Variants in CERS6 observed in about 807,000 individuals in gnomAD.
The protein encoded by CERS6 is ceramide synthase 6.
A neutral mutation model predicts 56.8 loss-of-function variants in CERS6; 26 were observed. The observed-to-expected ratio is 0.46, with a 90% confidence interval of 0.34 to 0.63. CERS6 has a LOEUF of 0.63. Among genes scored for constraint, CERS6 ranks in the 30% least tolerant of loss-of-function variants. The pLI, the probability that CERS6 is intolerant of heterozygous loss-of-function variation, is 0.01. For missense variants in CERS6, 415 were observed against 467.5 expected, an observed-to-expected ratio of 0.89 and a Z score of 1.04; for synonymous variants, 164 against 173.3, an observed-to-expected ratio of 0.95 and a Z score of 0.42.
At chr2:168,553,983 C>T (rs964423565) in intron 2 of CERS6, among the ~76,000 whole-genome samples, 21 of 151,892 alleles carry the variant, frequency 1.4e-4, no homozygotes, top group African/African-American at 4.8e-4. Context: ...AGAGTAAATG[C>T]TAAGAAAGAT....
intron 8 of CERS6, among the ~76,000 whole-genome samples, chr2:168,761,176 T>A (rs964309388): frequency 6.6e-6 from 1 of 152,190 alleles, no homozygotes; most frequent in African/African-American, 2.4e-5. Context: ...TTTGGTGCAC[T>A]GATTGTATTT....
chr2:168,760,715 G>A (rs565259501), intron 8 of CERS6, among the ~76,000 whole-genome samples: 1 of 151,668 alleles, frequency 6.6e-6, no homozygotes, highest in South Asian at 2.1e-4. Flanking sequence ...CCAAACAAAG[G>A]CTCTTTCCTG....
intron 6 of CERS6, among the ~76,000 whole-genome samples, chr2:168,696,581 T>C (rs1453213554): frequency 3.3e-5 from 5 of 152,204 alleles, no homozygotes; most frequent in African/African-American, 1.2e-4. Context: ...TTATAAAATC[T>C]ATTTCTCACG....
intron 3 of CERS6, among the ~76,000 whole-genome samples, chr2:168,612,700 T>A (rs1024462580): frequency 1.3e-5 from 2 of 152,230 alleles, no homozygotes; most frequent in Admixed American, 1.3e-4. Flanking sequence ...ACTGGGGGAT[T>A]AGGAGTGTTG....
intron 8 of CERS6, among the ~76,000 whole-genome samples, chr2:168,752,617 G>A (rs909246921): frequency 6.6e-5 from 10 of 152,160 alleles, no homozygotes; most frequent in Admixed American, 3.9e-4. Context: ...AGCGTGGCAC[G>A]TAGCTGGCAG....
intron 1 of CERS6, among the ~76,000 whole-genome samples, chr2:168,457,194 A>C (rs1236503888): frequency 6.6e-6 from 1 of 152,234 alleles, no homozygotes; most frequent in East Asian, 1.9e-4. Flanking sequence ...CCGTGAAACT[A>C]TCAGGCCCAC....
At chr2:168,695,772 T>TA (rs1686630657) in intron 6 of CERS6, among the ~76,000 whole-genome samples, 1 of 152,202 alleles carries the variant, frequency 6.6e-6, no homozygotes, top group South Asian at 2.1e-4. Context: ...ATTGAGTTGA[T>TA]ACTTCCTGAC....
At chr2:168,617,729 A>G (rs1684352446) in intron 3 of CERS6, among the ~76,000 whole-genome samples, 1 of 152,184 alleles carries the variant, frequency 6.6e-6, no homozygotes, top group South Asian at 2.1e-4. Context: ...GTGAGATTCA[A>G]ATGGTAATTA....
intron 6 of CERS6, among the ~76,000 whole-genome samples, chr2:168,698,768 A>G (rs950227594): frequency 8.5e-5 from 13 of 152,190 alleles, no homozygotes; most frequent in African/African-American, 3.1e-4. Context: ...CATATATAAC[A>G]TCAGTGGAAA....
chr2:168,597,913 C>G (rs1223650114), intron 3 of CERS6, among the ~76,000 whole-genome samples: 1 of 152,126 alleles, frequency 6.6e-6, no homozygotes, highest in East Asian at 1.9e-4. Context: ...GTTTGGAATC[C>G]ATGTAAGAAG....
At chr2:168,506,570 G>T (rs1322272988) in intron 1 of CERS6, among the ~76,000 whole-genome samples, 1 of 152,194 alleles carries the variant, frequency 6.6e-6, no homozygotes, top group Non-Finnish European at 1.5e-5. Context: ...AAATGAGTTT[G>T]TCTTGGGGTT....
chr2:168,539,357 C>T (rs538707829), intron 1 of CERS6, among the ~76,000 whole-genome samples: 1 of 152,294 alleles, frequency 6.6e-6, no homozygotes, highest in African/African-American at 2.4e-5. Flanking sequence ...CTTGGGCACC[C>T]TCATTAACTT....
intron 1 of CERS6, among the ~76,000 whole-genome samples, chr2:168,507,719 C>T (rs541770964): frequency 1.3e-5 from 2 of 152,290 alleles, no homozygotes; most frequent in Non-Finnish European, 1.5e-5. Context: ...TGACAACTTC[C>T]ACCTGAATCA....
chr2:168,615,716 G>T (rs1000422401), intron 3 of CERS6, among the ~76,000 whole-genome samples: 1 of 152,210 alleles, frequency 6.6e-6, no homozygotes, highest in Non-Finnish European at 1.5e-5. Flanking sequence ...AGAAATCTGG[G>T]ATTACATTAA....
At chr2:168,676,895 C>T (rs1296569285) in intron 4 of CERS6, among the ~76,000 whole-genome samples, 2 of 151,934 alleles carry the variant, frequency 1.3e-5, no homozygotes, top group South Asian at 2.1e-4. Flanking sequence ...TCGCGACTGT[C>T]TGCTGGTGAA....
chr2:168,456,719 G>A lies in CERS6; in HGVS notation c.170+101G>A. On this transcript the variant is annotated intron_variant, in intron 1 of 9. Coordinates refer to ENST00000305747, the MANE Select transcript of CERS6 (RefSeq NM_203463.3). This position sits in a 1 kb window ranked among gnomAD's most constrained non-coding sequence, Gnocchi z 4.1. ...GCACGCCCCCGCGCCCCCAACGCTCGCGTTCACGCCTCCCAACCTTTGTGT... is the reference window on the plus strand; with the variant it reads ...GCACGCCCCCGCGCCCCCAACGCTCACGTTCACGCCTCCCAACCTTTGTGT... The A allele has an allele frequency of 8.7e-7, 1 of 1,150,898 alleles. No homozygotes were observed. Among genetic ancestry groups the A allele is most frequent in the African/African-American group, 1.5e-5 (1 of 64,816 alleles). 71.3% of individuals were successfully genotyped at this position (1,150,898 alleles called of 1,614,324 possible). A position where few individuals can be genotyped will look rare whatever the true frequency, so the allele number is the denominator to read the frequency against.
chr2:168,469,240 C>T (rs1693935296), intron 1 of CERS6, among the ~76,000 whole-genome samples: 2 of 152,136 alleles, frequency 1.3e-5, no homozygotes, highest in African/African-American at 4.8e-5. Flanking sequence ...AAGGAATTTG[C>T]ACCTGCTTTC....
At chr2:168,739,052 ATTTTTTTTTTTTTTT>A (rs59967315) in intron 8 of CERS6, among the ~76,000 whole-genome samples, 4 of 87,644 alleles carry the variant, frequency 4.6e-5, no homozygotes, top group South Asian at 1.0e-3. Flanking sequence ...CACCCGGCTA[ATTTTTTTTTTTTTTT>A]TTTTTTTTTT....
chr2:168,756,229 C>G (rs1420959249), intron 8 of CERS6, among the ~76,000 whole-genome samples: 3 of 152,192 alleles, frequency 2.0e-5, no homozygotes, highest in Non-Finnish European at 4.4e-5. Flanking sequence ...GAATCTCAGT[C>G]TTTCTTAGGT....
Sources: gnomAD v4.1 joint callset for allele counts (sites outside exome capture counted in the v4.1 genomes callset) on GRCh38, gnomAD v4.1.1 for gene constraint, Gnocchi (gnomAD v3.1) non-coding constraint, MANE v1.5 for transcripts, NCBI Gene and HGNC (gene_info 2026-07-23, HGNC 2026-07-21) for gene names.